Variants in NIN observed in about 807,000 individuals in gnomAD.
The protein encoded by NIN is ninein, also known as glycogen synthase kinase 3 beta-interacting protein.
In NIN, 137 loss-of-function variants were observed where a neutral mutation model predicts 257.6. That is an observed-to-expected ratio of 0.53 (90% CI 0.46 to 0.61). The LOEUF (loss-of-function observed/expected upper bound fraction) is 0.61, where lower values mean the gene tolerates loss of function less well. NIN is among the 20% of genes least tolerant of loss of function. NIN has a pLI of 0.00. For synonymous variants in NIN, 918 were observed against 919.8 expected, an observed-to-expected ratio of 1.00 and a Z score of 0.04; for missense variants, 2,439 against 2,501.2, an observed-to-expected ratio of 0.98 and a Z score of 0.53.
At chr14:50,817,746 T>C (rs1222081955) in intron 3 of NIN, among the ~76,000 whole-genome samples, 1 of 152,156 alleles carries the variant, frequency 6.6e-6, no homozygotes, top group East Asian at 1.9e-4. Context: ...AAACGGAATC[T>C]CGCTCTGTCG....
intron 2 of NIN, among the ~76,000 whole-genome samples, chr14:50,829,305 A>G (rs1373943459): frequency 6.6e-6 from 1 of 152,222 alleles, no homozygotes; most frequent in African/African-American, 2.4e-5. Flanking sequence ...CCAATATTCC[A>G]GGTCAGCCAC....
intron 4 of NIN, chr14:50,794,393 A>T (rs761722896): frequency 6.5e-5 from 36 of 551,094 alleles, no homozygotes; most frequent in Non-Finnish European, 8.1e-5. Context: ...GTGTTTAAGC[A>T]TACAAAATTT....
intron 4 of NIN, among the ~76,000 whole-genome samples, chr14:50,798,957 T>G (rs1223642499): frequency 2.0e-5 from 3 of 152,208 alleles, no homozygotes; most frequent in Admixed American, 1.3e-4. Context: ...TTTTATATTT[T>G]TAGTAGAGAC....
intron 5 of NIN, among the ~76,000 whole-genome samples, chr14:50,790,117 C>T (rs984890528): frequency 7.2e-5 from 11 of 152,138 alleles, no homozygotes; most frequent in Admixed American, 2.0e-4. Flanking sequence ...TGCAGTGGCA[C>T]GATCTCGGCT....
chr14:50,745,868 G>C (rs1160465829), intron 22 of NIN, among the ~76,000 whole-genome samples: 1 of 152,050 alleles, frequency 6.6e-6, no homozygotes, highest in African/African-American at 2.4e-5. Context: ...ATATCATACA[G>C]AGTGACACAT....
At chr14:50,818,344 G>T (rs113537107) in intron 3 of NIN, among the ~76,000 whole-genome samples, 2,562 of 148,370 alleles carry the variant, frequency 0.017, 89 homozygotes, top group African/African-American at 0.06. Context: ...AAAAAACACT[G>T]GATATAACTA....
At chr14:50,781,032 T>C (rs578069297) in intron 5 of NIN, among the ~76,000 whole-genome samples, 130 of 152,268 alleles carry the variant, frequency 8.5e-4, no homozygotes, top group African/African-American at 3.1e-3. Flanking sequence ...AAATTTTAAA[T>C]CAACAAAACC....
chr14:50,811,537 G>A (rs1431075697), intron 3 of NIN, among the ~76,000 whole-genome samples: 1 of 134,578 alleles, frequency 7.4e-6, no homozygotes, highest in Non-Finnish European at 1.6e-5. Context: ...AATCCCCAAT[G>A]GTCAAGCTTT....
At chr14:50,796,572 A>G (rs940521710) in intron 4 of NIN, among the ~76,000 whole-genome samples, 2 of 152,226 alleles carry the variant, frequency 1.3e-5, no homozygotes, top group African/African-American at 4.8e-5. Context: ...CAGAGCTTCG[A>G]TAATGTTCCC....
intron 5 of NIN, among the ~76,000 whole-genome samples, chr14:50,779,241 C>G (rs961647314): frequency 6.6e-6 from 1 of 152,220 alleles, no homozygotes; most frequent in African/African-American, 2.4e-5. Flanking sequence ...CATGAACAAC[C>G]ATGAACAGGA....
At position 50,758,060 on chromosome 14, in the gene NIN, C is replaced by T. The variant is rs762213658; in HGVS notation, c.2970G>A (p.Met990Ile). Residue 990 changes from methionine (M) to isoleucine (I), a missense_variant, in exon 18 of 31, where the codon ATG (methionine) becomes ATA (isoleucine). Physicochemically the swap from Met to Ile is conservative, Grantham distance 10. Around this residue, in one of 3 missense-constraint regions of NIN, gnomAD observed 2,043 missense variants for 2,050.2 expected, o/e 1.00. Coordinates refer to ENST00000530997, the MANE Select transcript of NIN (RefSeq NM_020921.4). ...RQEMMSKLLA[M>I]ENIHKATCET... Reference sequence around the variant, plus strand: ...CACAGGTCGCTTTGTGAATGTTCTCCATGGCTAGAAGCTTGGACATCATTT... The same window carrying T: ...CACAGGTCGCTTTGTGAATGTTCTCTATGGCTAGAAGCTTGGACATCATTT... The T allele has an allele frequency of 6.2e-7, 1 of 1,614,224 alleles. No individual in the cohort carries two copies. Among genetic ancestry groups the T allele is most frequent in the South Asian group, 1.1e-5 (1 of 91,086 alleles).
chr14:50,743,454 C>T lies in NIN; in HGVS notation c.5263G>A (p.Ala1755Thr), dbSNP rs1474543573. The stretch of plus-strand genomic sequence containing the variant: ...GCCACCAGCTGTGACTTTAAGCTCG[C>T]ACTCTGATGTTCCCAGGATTTCTGT... ...QEQKSWEHQSASLKSQLVASQ... is the reference protein window; with the variant it reads ...QEQKSWEHQSTSLKSQLVASQ... The change falls in exon 24 of 31, where the codon GCG (alanine) becomes ACG (threonine). Residue 1755 changes from alanine to threonine, a missense_variant. Around this residue, in one of 3 missense-constraint regions of NIN, gnomAD observed 2,043 missense variants for 2,050.2 expected, o/e 1.00. Transcript: ENST00000530997. The T allele has an allele frequency of 2.0e-5, 33 of 1,613,694 alleles. No individual in the cohort carries two copies. The highest frequency in any genetic ancestry group is 2.6e-5 in the Non-Finnish European group (31 of 1,179,704).
intron 4 of NIN, among the ~76,000 whole-genome samples, chr14:50,798,716 G>T (rs1379899683): frequency 6.6e-6 from 1 of 152,136 alleles, no homozygotes; most frequent in East Asian, 1.9e-4. Context: ...GTAATTTCTT[G>T]GCACCACTTT....
intron 4 of NIN, among the ~76,000 whole-genome samples, chr14:50,795,570 G>A (rs760160927): frequency 6.7e-4 from 102 of 152,230 alleles, no homozygotes; most frequent in Non-Finnish European, 1.3e-3. Context: ...TAATGGAAGA[G>A]ATCCAAAACT....
chr14:50,807,926 G>C (rs1271774120), intron 3 of NIN, among the ~76,000 whole-genome samples: 1 of 152,048 alleles, frequency 6.6e-6, no homozygotes, highest in Non-Finnish European at 1.5e-5. Flanking sequence ...TACCATGTTA[G>C]TTTTGATTGA....
At chr14:50,754,288 G>T (rs2041927144) in intron 20 of NIN, among the ~76,000 whole-genome samples, 1 of 152,126 alleles carries the variant, frequency 6.6e-6, no homozygotes, top group Non-Finnish European at 1.5e-5. Context: ...TATTTCGTAG[G>T]TATGGTTTTA....
chr14:50,796,559 C>G (rs907979718), intron 4 of NIN, among the ~76,000 whole-genome samples: 2 of 152,226 alleles, frequency 1.3e-5, no homozygotes, highest in Non-Finnish European at 2.9e-5. Flanking sequence ...AGAAGAGAAA[C>G]TCCAGAGCTT....
chr14:50,730,048 A>AC (rs1446703620), intron 28 of NIN, among the ~76,000 whole-genome samples: 1 of 89,478 alleles, frequency 1.1e-5, no homozygotes, highest in Non-Finnish European at 2.1e-5. Flanking sequence ...TGGAATAATT[A>AC]CCTCCCCCCT....
chr14:50,776,893 T>C, intron 7 of NIN, 56 bp downstream of exon 7: 1 of 1,478,524 alleles, frequency 6.8e-7, no homozygotes, highest in Non-Finnish European at 9.2e-7. Flanking sequence ...TCCTAGCATG[T>C]GGTCAACTAC....
Sources: gnomAD v4.1 joint callset for allele counts (sites outside exome capture counted in the v4.1 genomes callset) on GRCh38, gnomAD v4.1.1 for gene constraint, gnomAD v4.1.1 regional missense constraint, MANE v1.5 for transcripts, NCBI Gene and HGNC (gene_info 2026-07-23, HGNC 2026-07-21) for gene names.